Variants in CPEB1 observed in about 807,000 individuals in gnomAD.
The protein encoded by CPEB1 is cytoplasmic polyadenylation element binding protein 1.
A neutral mutation model predicts 65.8 loss-of-function variants in CPEB1; 7 were observed. That is an observed-to-expected ratio of 0.11 (90% CI 0.06 to 0.20). The LOEUF is 0.20. Among genes scored for constraint, CPEB1 ranks in the 10% least tolerant of loss-of-function variants. The probability of loss-of-function intolerance (pLI) is 1.00; values close to 1 mark genes in which losing one functional copy is unlikely to be tolerated. For synonymous variants in CPEB1, 262 were observed against 260.0 expected (o/e 1.01, Z -0.08); for missense variants, 551 against 712.2 (o/e 0.77, Z 2.58).
At chr15:82,590,477 G>A (rs1006505403) in intron 3 of CPEB1, among the ~76,000 whole-genome samples, 1 of 152,072 alleles carries the variant, frequency 6.6e-6, no homozygotes, top group African/African-American at 2.4e-5. Flanking sequence ...TATGGCTATA[G>A]ACAGAAACCT....
At chr15:82,644,054 C>T (rs954833454) in intron 1 of CPEB1, among the ~76,000 whole-genome samples, 3 of 152,164 alleles carry the variant, frequency 2.0e-5, no homozygotes, top group Non-Finnish European at 4.4e-5. Flanking sequence ...GAGGGTCACC[C>T]CCACAGTGGG....
chr15:82,551,182 G>A (rs2036181000), intron 9 of CPEB1, among the ~76,000 whole-genome samples: 2 of 152,172 alleles, frequency 1.3e-5, no homozygotes, highest in South Asian at 2.1e-4. Flanking sequence ...CACAGAACAA[G>A]AGCCAGCTTT....
At chr15:82,565,773 A>G (rs1251795348) in intron 4 of CPEB1, among the ~76,000 whole-genome samples, 2 of 152,246 alleles carry the variant, frequency 1.3e-5, no homozygotes, top group Non-Finnish European at 2.9e-5. Flanking sequence ...ACAAGGGATC[A>G]TGGAAAGTCT....
At chr15:82,593,177 TCTTC>T (rs1036078875) in intron 3 of CPEB1, among the ~76,000 whole-genome samples, 9 of 152,186 alleles carry the variant, frequency 5.9e-5, no homozygotes, top group African/African-American at 2.2e-4. Context: ...ATAGTTCGAT[TCTTC>T]CTTTCATGAA....
chr15:82,584,038 T>C (rs1278029974), intron 3 of CPEB1, among the ~76,000 whole-genome samples: 1 of 151,592 alleles, frequency 6.6e-6, no homozygotes, highest in Admixed American at 6.6e-5. Context: ...GGCAGGTGGA[T>C]CACAAGGTCA....
intron 3 of CPEB1, among the ~76,000 whole-genome samples, chr15:82,598,227 G>C (rs963815818): frequency 1.3e-5 from 2 of 152,128 alleles, no homozygotes; most frequent in Non-Finnish European, 2.9e-5. Flanking sequence ...TGTAATCCTA[G>C]TACTTTGGGA....
chr15:82,559,048 G>A (rs984223664), intron 4 of CPEB1, among the ~76,000 whole-genome samples: 1 of 151,874 alleles, frequency 6.6e-6, no homozygotes, highest in African/African-American at 2.4e-5. Context: ...ATAACTGGCT[G>A]TGATTGGCCC....
chr15:82,637,523 C>A (rs1044304787), intron 1 of CPEB1, among the ~76,000 whole-genome samples: 9 of 152,186 alleles, frequency 5.9e-5, no homozygotes, highest in Admixed American at 3.3e-4. Context: ...TCCCCATCAG[C>A]CCTCCGTACG....
intron 3 of CPEB1, among the ~76,000 whole-genome samples, chr15:82,619,355 T>C (rs2045076003): frequency 6.6e-6 from 1 of 152,256 alleles, no homozygotes; most frequent in Non-Finnish European, 1.5e-5. Context: ...AAGAAACATA[T>C]ACTACCTTCA....
At chr15:82,619,866 T>A (rs983851664) in intron 3 of CPEB1, among the ~76,000 whole-genome samples, 2 of 151,622 alleles carry the variant, frequency 1.3e-5, no homozygotes, top group Non-Finnish European at 2.9e-5. Context: ...ACTGGCAGCA[T>A]CTCAAAGATA....
intron 3 of CPEB1, among the ~76,000 whole-genome samples, chr15:82,576,714 T>C (rs185348133): frequency 6.5e-4 from 99 of 152,296 alleles, no homozygotes; most frequent in African/African-American, 7.9e-4. Flanking sequence ...ACTGAACTAA[T>C]TGATTTGACA....
intron 3 of CPEB1, among the ~76,000 whole-genome samples, chr15:82,580,042 CCAGG>C (rs1427957524): frequency 3.4e-5 from 5 of 148,386 alleles, no homozygotes; most frequent in African/African-American, 1.2e-4. Flanking sequence ...AAATAATGGG[CCAGG>C]CGCGGTGGCT....
At chr15:82,603,362 T>TAAA (rs141975043) in intron 3 of CPEB1, among the ~76,000 whole-genome samples, 1 of 147,320 alleles carries the variant, frequency 6.8e-6, no homozygotes. Context: ...AAAGTTTATT[T>TAAA]AAAAAAAAAA....
chr15:82,550,442 C>T (rs1320935075), intron 9 of CPEB1, among the ~76,000 whole-genome samples: 1 of 152,200 alleles, frequency 6.6e-6, no homozygotes, highest in African/African-American at 2.4e-5. Flanking sequence ...GAGCAGAGAA[C>T]AGGCCAAGAC....
At chr15:82,571,770 C>T (rs2040066788) in intron 3 of CPEB1, 3 of 1,307,480 alleles carry the variant, frequency 2.3e-6, no homozygotes, top group Non-Finnish European at 9.7e-7. Flanking sequence ...ACAGACTGGG[C>T]CAGCATGTGA....
intron 3 of CPEB1, among the ~76,000 whole-genome samples, chr15:82,579,918 C>CAAAAAAAAAAAAAAAAAAAAAAAAAA (rs59925251): frequency 3.1e-5 from 1 of 32,680 alleles, no homozygotes; most frequent in African/African-American, 7.8e-5. Flanking sequence ...GACTCCGTCT[C>CAAAAAAAAAAAAAAAAAAAAAAAAAA]AAAAAAAAAA....
At chr15:82,647,706 C>G (rs1188873552), upstream of CPEB1, 1 of 591,308 alleles carries the variant, frequency 1.7e-6, no homozygotes, top group East Asian at 4.1e-5. Flanking sequence ...AGGCCCCACG[C>G]CCGCGGGCAC....
chr15:82,590,473 T>C (rs2042158468), intron 3 of CPEB1, among the ~76,000 whole-genome samples: 1 of 152,202 alleles, frequency 6.6e-6, no homozygotes, highest in Admixed American at 6.5e-5. Flanking sequence ...GTGGTATGGC[T>C]ATAGACAGAA....
intron 3 of CPEB1, among the ~76,000 whole-genome samples, chr15:82,607,728 C>A (rs1347049071): frequency 6.6e-6 from 1 of 152,046 alleles, no homozygotes; most frequent in Non-Finnish European, 1.5e-5. Flanking sequence ...AAAATTGTTA[C>A]TAGAGATAAA....
Sources: gnomAD v4.1 joint callset for allele counts (sites outside exome capture counted in the v4.1 genomes callset) on GRCh38, gnomAD v4.1.1 for gene constraint, MANE v1.5 for transcripts, NCBI Gene and HGNC (gene_info 2026-07-23, HGNC 2026-07-21) for gene names.